Variants in ZMYM2 observed in about 807,000 individuals in gnomAD.
ZMYM2 encodes the protein zinc finger MYM-type protein 2.
Under a neutral mutation model 162.8 loss-of-function variants are expected in ZMYM2, and 56 were observed. The ratio of observed to expected loss-of-function variants is 0.34; its 90% CI spans 0.28 to 0.43. The LOEUF is 0.43. ZMYM2 is among the 20% of genes least tolerant of loss of function. ZMYM2 has a pLI of 1.00. For synonymous variants in ZMYM2, 510 were observed against 541.6 expected (o/e 0.94, Z 0.81); for missense variants, 1,275 against 1,621.8 (o/e 0.79, Z 3.67).
intron 2 of ZMYM2, among the ~76,000 whole-genome samples, chr13:19,967,502 T>C (rs1011021659): frequency 6.6e-6 from 1 of 152,248 alleles, no homozygotes; most frequent in East Asian, 1.9e-4. Flanking sequence ...TAGAGTGTTA[T>C]ATAAAACTGG....
At chr13:19,870,302 T>G in the ZMYM2 span, among the ~76,000 whole-genome samples, 1 of 152,142 alleles carries the variant, frequency 6.6e-6, no homozygotes, top group Non-Finnish European at 1.5e-5. Flanking sequence ...ACTACAGGTA[T>G]GTACCACCAT....
chr13:20,013,356 G>C (rs1387244239), intron 6 of ZMYM2, among the ~76,000 whole-genome samples: 4 of 152,158 alleles, frequency 2.6e-5, no homozygotes, highest in Admixed American at 1.3e-4. Context: ...TGAGTTTCTT[G>C]GTATTTTTCT....
At chr13:19,883,986 A>G in the ZMYM2 span, among the ~76,000 whole-genome samples, 1 of 152,042 alleles carries the variant, frequency 6.6e-6, no homozygotes, top group South Asian at 2.1e-4. Flanking sequence ...CAAACTCTTC[A>G]CCTCCAAGTG....
intron 7 of ZMYM2, chr13:20,020,049 AG>A (rs1951940652): frequency 6.4e-6 from 1 of 156,766 alleles, no homozygotes; most frequent in African/African-American, 2.4e-5. Context: ...GTTTAAAATT[AG>A]GAAGACTTTT....
intron 21 of ZMYM2, among the ~76,000 whole-genome samples, chr13:20,080,351 T>C (rs1036531786): frequency 6.6e-6 from 1 of 152,226 alleles, no homozygotes; most frequent in African/African-American, 2.4e-5. Context: ...GGCATTCTTA[T>C]GTTTTGATTA....
intron 16 of ZMYM2, 71 bp from the exon 17 acceptor site, chr13:20,060,982 A>G (rs981193757): frequency 7.0e-7 from 1 of 1,421,532 alleles, no homozygotes; most frequent in African/African-American, 1.4e-5. Flanking sequence ...CATGTGTCAG[A>G]GTAATTTTTA....
chr13:20,055,089 T>C (rs954474810), intron 14 of ZMYM2, among the ~76,000 whole-genome samples: 2 of 151,836 alleles, frequency 1.3e-5, no homozygotes, highest in Non-Finnish European at 2.9e-5. Flanking sequence ...TATGGGTGAG[T>C]TCTATAAAGG....
chr13:19,954,168 G>T (rs28451115), upstream of ZMYM2, among the ~76,000 whole-genome samples: 1 of 89,950 alleles, frequency 1.1e-5, no homozygotes, highest in African/African-American at 4.0e-5. Flanking sequence ...TCACTCTGTC[G>T]CCCAGGCTGG....
At chr13:20,011,278 G>T (rs1452133391) in intron 6 of ZMYM2, among the ~76,000 whole-genome samples, 3 of 152,094 alleles carry the variant, frequency 2.0e-5, no homozygotes, top group Non-Finnish European at 4.4e-5. Flanking sequence ...TATCTGAAAT[G>T]CTTGGGACCC....
At chr13:20,049,352 G>A (rs188479754) in intron 12 of ZMYM2, among the ~76,000 whole-genome samples, 44 of 152,006 alleles carry the variant, frequency 2.9e-4, no homozygotes, top group Non-Finnish European at 3.1e-4. Flanking sequence ...TCTAATTGTA[G>A]AACGATGAAG....
At chr13:19,883,600 G>T in the ZMYM2 span, among the ~76,000 whole-genome samples, 3 of 152,154 alleles carry the variant, frequency 2.0e-5, no homozygotes, top group East Asian at 5.8e-4. Flanking sequence ...TGTTTATTTA[G>T]TTTGGGTTAA....
At chr13:19,940,005 G>C in the ZMYM2 span, among the ~76,000 whole-genome samples, 13 of 152,134 alleles carry the variant, frequency 8.5e-5, no homozygotes, top group Admixed American at 2.0e-4. Context: ...TGTTAACCGA[G>C]AAATCAAAAT....
At chr13:20,034,676 A>G (rs1465971989) in intron 11 of ZMYM2, among the ~76,000 whole-genome samples, 5 of 152,196 alleles carry the variant, frequency 3.3e-5, no homozygotes, top group Non-Finnish European at 7.3e-5. Flanking sequence ...CTAAACCTAC[A>G]TGTTGTGGTC....
intron 2 of ZMYM2, among the ~76,000 whole-genome samples, chr13:19,968,542 G>A (rs1044381226): frequency 2.6e-5 from 4 of 152,266 alleles, no homozygotes; most frequent in South Asian, 2.1e-4. Context: ...GATTACAGGC[G>A]TGAGCCACCG....
At chr13:19,961,464 T>C (rs1204093762) in intron 2 of ZMYM2, among the ~76,000 whole-genome samples, 1 of 152,234 alleles carries the variant, frequency 6.6e-6, no homozygotes, top group Non-Finnish European at 1.5e-5. Context: ...TTGAAGTTCA[T>C]CTCAGGCATC....
chr13:20,081,701 G>A (rs914537492), intron 21 of ZMYM2, among the ~76,000 whole-genome samples: 1 of 151,490 alleles, frequency 6.6e-6, no homozygotes, highest in Non-Finnish European at 1.5e-5. Context: ...TTTTCTTCAT[G>A]CACTATATAA....
intron 2 of ZMYM2, among the ~76,000 whole-genome samples, chr13:19,984,912 T>C (rs1033830973): frequency 2.6e-5 from 4 of 152,206 alleles, no homozygotes; most frequent in African/African-American, 7.2e-5. Context: ...AACTGTGATA[T>C]CAGTTCTAGC....
chr13:19,999,085 C>T (rs887533899), intron 3 of ZMYM2, among the ~76,000 whole-genome samples: 1 of 152,188 alleles, frequency 6.6e-6, no homozygotes, highest in African/African-American at 2.4e-5. Context: ...AGAAGCTTAG[C>T]ACAAAAGAGA....
intron 14 of ZMYM2, among the ~76,000 whole-genome samples, chr13:20,056,056 C>G (rs1015834220): frequency 6.6e-6 from 1 of 152,142 alleles, no homozygotes; most frequent in South Asian, 2.1e-4. Flanking sequence ...CTTATTTTTA[C>G]GAGGTCATTG....
Sources: gnomAD v4.1 joint callset for allele counts (sites outside exome capture counted in the v4.1 genomes callset) on GRCh38, gnomAD v4.1.1 for gene constraint, MANE v1.5 for transcripts, NCBI Gene and HGNC (gene_info 2026-07-23, HGNC 2026-07-21) for gene names.